The following KLHDC10 variants were observed in gnomAD, a reference collection of about 807,000 sequenced individuals.
KLHDC10 encodes the protein kelch domain-containing protein 10.
KLHDC10 carries 24 observed loss-of-function variants against 56.1 expected under a neutral mutation model. That is an observed-to-expected ratio of 0.43 (90% CI 0.31 to 0.60). The LOEUF (loss-of-function observed/expected upper bound fraction) is 0.60, where lower values mean the gene tolerates loss of function less well. Ranked by LOEUF, KLHDC10 falls within the 20% of genes least tolerant of loss-of-function variation. The pLI, the probability that KLHDC10 is intolerant of heterozygous loss-of-function variation, is 0.11. For missense variants in KLHDC10, 349 were observed against 567.0 expected (o/e 0.62, Z 3.91); for synonymous variants, 188 against 207.1 (o/e 0.91, Z 0.79).
chr7:130,114,714 A>C (rs1055507410), intron 2 of KLHDC10, among the ~76,000 whole-genome samples: 3 of 152,148 alleles, frequency 2.0e-5, no homozygotes, highest in Admixed American at 1.3e-4. Flanking sequence ...TTAATTGTAC[A>C]TGTATACACT....
chr7:130,072,541 T>G (rs1464843079), intron 1 of KLHDC10, among the ~76,000 whole-genome samples: 1 of 152,200 alleles, frequency 6.6e-6, no homozygotes, highest in Non-Finnish European at 1.5e-5. Flanking sequence ...CCTTTACTCA[T>G]TCTCAAAATT....
rs940679856 is a variant in KLHDC10 at position 130,135,504 on chromosome 7, T to C, written c.*4758T>C. 17 of 154,390 alleles carry C rather than the reference T, an allele frequency of 1.1e-4. No individual in the cohort carries two copies. The highest frequency in any genetic ancestry group is 4.1e-4 in the African/African-American group (17 of 41,520). 9.6% of individuals were successfully genotyped at this position (154,390 alleles called of 1,614,324 possible). A position where few individuals can be genotyped will look rare whatever the true frequency, so the allele number is the denominator to read the frequency against. On this transcript the variant is annotated 3_prime_UTR_variant, in exon 10 of 10. Coordinates refer to ENST00000335420, the MANE Select transcript of KLHDC10 (RefSeq NM_014997.4). ...TAAAGCTATTTTGCCACAGTCCTGT[T>C]AAATAGTGTGGACGTCCTTTTGCAG...
At chr7:130,108,351 T>G (rs1040654195) in intron 2 of KLHDC10, among the ~76,000 whole-genome samples, 1 of 152,138 alleles carries the variant, frequency 6.6e-6, no homozygotes, top group Non-Finnish European at 1.5e-5. Context: ...AAAAATAGAA[T>G]TTTAATTGCC....
chr7:130,123,162 A>G (rs1435317889), intron 5 of KLHDC10, among the ~76,000 whole-genome samples: 2 of 152,162 alleles, frequency 1.3e-5, no homozygotes, highest in Non-Finnish European at 2.9e-5. Context: ...CTTTCCTAAT[A>G]GCAGTTGCCT....
intron 1 of KLHDC10, among the ~76,000 whole-genome samples, chr7:130,087,149 C>T (rs1795702580): frequency 6.6e-6 from 1 of 152,228 alleles, no homozygotes; most frequent in Admixed American, 6.5e-5. Context: ...CTGCACCATG[C>T]TGCACTCCCC....
intron 1 of KLHDC10, among the ~76,000 whole-genome samples, chr7:130,087,717 A>G (rs1414802031): frequency 6.6e-6 from 1 of 152,154 alleles, no homozygotes; most frequent in Non-Finnish European, 1.5e-5. Flanking sequence ...CAAATTCCTT[A>G]AAACACACAC....
intron 1 of KLHDC10, among the ~76,000 whole-genome samples, chr7:130,088,298 CTT>C (rs1260857613): frequency 6.7e-6 from 1 of 149,278 alleles, no homozygotes; most frequent in Non-Finnish European, 1.5e-5. Context: ...TTTTTTGAGA[CTT>C]AGTCTGGCTC....
At chr7:130,101,438 C>CT (rs1563101144) in intron 2 of KLHDC10, among the ~76,000 whole-genome samples, 1 of 152,138 alleles carries the variant, frequency 6.6e-6, no homozygotes, top group Non-Finnish European at 1.5e-5. Context: ...TTCTTAAACT[C>CT]TAAGCATAGA....
At chr7:130,118,922 G>A (rs914179111) in intron 3 of KLHDC10, among the ~76,000 whole-genome samples, 2 of 152,066 alleles carry the variant, frequency 1.3e-5, no homozygotes, top group African/African-American at 4.8e-5. Context: ...ATCAAAGATC[G>A]CTGATCAGTG....
chr7:130,094,127 T>C (rs1415823802), intron 1 of KLHDC10, among the ~76,000 whole-genome samples: 2 of 152,098 alleles, frequency 1.3e-5, no homozygotes, highest in African/African-American at 2.4e-5. Flanking sequence ...GGTTTTGGCA[T>C]GTTGGCCAGG....
In KLHDC10 at chr7:130,079,770, CT is replaced by C. The variant is rs551528852; in HGVS notation, c.166+8962del. Reference sequence around the variant, plus strand: ...TTTTCCTTCCCTCCCTCCCCCTCCCCTACCTCCTCCCTTCCCACACCTCCTC... The same window carrying C: ...TTTTCCTTCCCTCCCTCCCCCTCCCCACCTCCTCCCTTCCCACACCTCCTC... On this transcript the variant is annotated intron_variant, in intron 1 of 9. Transcript: ENST00000335420. Among the ~76,000 whole-genome samples the C allele has an allele frequency of 8.2e-3, 1,165 of 142,754 alleles. 22 individuals carry two copies. Among genetic ancestry groups the C allele is most frequent in the African/African-American group, 0.029 (1,102 of 38,248 alleles). 93.7% of individuals were successfully genotyped at this position (142,754 alleles called of 152,430 possible). A position where few individuals can be genotyped will look rare whatever the true frequency, so the allele number is the denominator to read the frequency against.
chr7:130,072,336 T>C (rs1795427680), intron 1 of KLHDC10, among the ~76,000 whole-genome samples: 1 of 152,188 alleles, frequency 6.6e-6, no homozygotes, highest in Non-Finnish European at 1.5e-5. Flanking sequence ...AACCACGTGA[T>C]GGCAGTGGAA....
At chr7:130,080,420 T>A (rs1795587399) in intron 1 of KLHDC10, among the ~76,000 whole-genome samples, 1 of 151,952 alleles carries the variant, frequency 6.6e-6, no homozygotes, top group South Asian at 2.1e-4. Context: ...TGAGACAGGG[T>A]CTCACACTGT....
At chr7:130,113,046 T>C (rs1448575181) in intron 2 of KLHDC10, among the ~76,000 whole-genome samples, 1 of 152,202 alleles carries the variant, frequency 6.6e-6, no homozygotes, top group African/African-American at 2.4e-5. Flanking sequence ...ATATTAAAAA[T>C]ATCATTTCAA....
At chr7:130,073,332 G>A (rs529453801) in intron 1 of KLHDC10, among the ~76,000 whole-genome samples, 219 of 130,956 alleles carry the variant, frequency 1.7e-3, no homozygotes, top group Non-Finnish European at 2.8e-3. Context: ...GCCTCACTCT[G>A]TGGCCCAGGC....
In KLHDC10 at chr7:130,130,091, C is replaced by T. The variant is rs143908621; in HGVS notation, c.1120-446C>T. 0.032 allele frequency among the ~76,000 whole-genome samples: 4,900 copies of T among 151,814 alleles called. 235 individuals are homozygous for T. Among genetic ancestry groups the T allele is most frequent in the African/African-American group, 0.11 (4,412 of 41,362 alleles). On this transcript the variant is annotated intron_variant, in intron 9 of 9. Coordinates refer to ENST00000335420, the MANE Select transcript of KLHDC10 (RefSeq NM_014997.4). This position sits in a 1 kb window ranked among gnomAD's most constrained non-coding sequence, Gnocchi z 4.2. ...CAGCACTTTGGGAGGCCAAGGTGGG[C>T]GGATCACGAGGTCAGGAGATTGAGA...
chr7:130,073,555 C>T (rs957792426), intron 1 of KLHDC10, among the ~76,000 whole-genome samples: 7 of 152,112 alleles, frequency 4.6e-5, no homozygotes, highest in Admixed American at 1.3e-4. Flanking sequence ...CTCAGCCTCC[C>T]GAAGTGCTGG....
intron 1 of KLHDC10, among the ~76,000 whole-genome samples, chr7:130,083,926 T>C (rs959380223): frequency 1.3e-5 from 2 of 152,166 alleles, no homozygotes; most frequent in African/African-American, 4.8e-5. Context: ...GTCAACTCTT[T>C]CCCTTCTACC....
chr7:130,082,989 TG>T (rs1340863166), intron 1 of KLHDC10, among the ~76,000 whole-genome samples: 1 of 152,222 alleles, frequency 6.6e-6, no homozygotes, highest in Non-Finnish European at 1.5e-5. Flanking sequence ...TTCTTTTGTT[TG>T]TTTCCCCTTC....
Sources: allele counts gnomAD v4.1 joint callset (sites outside exome capture counted in the v4.1 genomes callset), GRCh38; gene constraint gnomAD v4.1.1; non-coding constraint Gnocchi (gnomAD v3.1); transcripts MANE v1.5; gene names NCBI Gene and HGNC (gene_info 2026-07-23, HGNC 2026-07-21).